SHC3: variants seen among roughly 807,000 people sequenced by gnomAD.
SHC3 encodes the protein SHC-transforming protein 3.
A neutral mutation model predicts 60.4 loss-of-function variants in SHC3; 15 were observed. The observed-to-expected ratio is 0.25, with a 90% CI of 0.17 to 0.38. The LOEUF is 0.38. Ranked by LOEUF, SHC3 falls within the 10% of genes least tolerant of loss-of-function variation. SHC3 has a pLI of 1.00. For synonymous variants in SHC3, 294 were observed against 325.9 expected (o/e 0.90, Z 1.05); for missense variants, 677 against 786.1 (o/e 0.86, Z 1.66).
At chr9:89,165,955 A>G (rs1178042046) in intron 1 of SHC3, among the ~76,000 whole-genome samples, 1 of 152,096 alleles carries the variant, frequency 6.6e-6, no homozygotes, top group Non-Finnish European at 1.5e-5. Context: ...GTTTCTCCAC[A>G]CAGAAGGTAG....
At position 89,065,594 on chromosome 9, in the gene SHC3, A is replaced by G; in HGVS notation, c.784-14T>C. The stretch of plus-strand genomic sequence containing the variant: ...GTCAGTTGTGTCCTGTTAAAGAAAA[A>G]AGAGATGTCTATGTCACTAATCACA... On this transcript the variant is annotated splice_polypyrimidine_tract_variant and intron_variant, in intron 5 of 11. Coordinates refer to ENST00000375835, the MANE Select transcript of SHC3 (RefSeq NM_016848.6). 1 of 1,613,936 alleles carries G rather than the reference A, an allele frequency of 6.2e-7. No homozygotes were observed. The highest frequency in any genetic ancestry group is 8.5e-7 in the Non-Finnish European group (1 of 1,179,934).
chr9:89,061,534 C>A (rs758887983), intron 6 of SHC3, among the ~76,000 whole-genome samples: 11 of 152,212 alleles, frequency 7.2e-5, no homozygotes, highest in Non-Finnish European at 1.3e-4. Flanking sequence ...GGGAAAAGAG[C>A]AGCAAGATGT....
intron 1 of SHC3, 135 bp downstream of exon 1, chr9:89,177,852 G>A (rs1054716880): frequency 1.8e-6 from 2 of 1,105,612 alleles, no homozygotes; most frequent in Middle Eastern, 3.8e-4. Flanking sequence ...TGATTGCTAA[G>A]GAGTGCGCAT....
chr9:89,037,556 G>A (rs368584803), intron 11 of SHC3: 1 of 715,588 alleles, frequency 1.4e-6, no homozygotes, highest in East Asian at 2.7e-5. Flanking sequence ...ACTTAGCAAT[G>A]GGGGTTTCAT....
At chr9:89,018,489 CA>C (rs1217282180) in intron 11 of SHC3, among the ~76,000 whole-genome samples, 17 of 151,964 alleles carry the variant, frequency 1.1e-4, no homozygotes, top group Middle Eastern at 6.8e-3. Flanking sequence ...CAGGGCCTGT[CA>C]GGGGGTGGGG....
rs1826983838 is a variant in SHC3 at position 89,178,551 on chromosome 9, C to T, written c.-91G>A. 2 of 1,253,662 alleles carry T rather than the reference C, an allele frequency of 1.6e-6. No individual in the cohort carries two copies. The highest frequency in any genetic ancestry group is 2.0e-4 in the Middle Eastern group (1 of 5,010). 77.7% of individuals were successfully genotyped at this position (1,253,662 alleles called of 1,614,324 possible). ...CGCATAGCAGGCGAGCCACTGTCCC[C>T]GGAGCGGGACGGAGAGTGGGGGCCC... On this transcript the variant is annotated 5_prime_UTR_variant, in exon 1 of 12. Transcript: ENST00000375835. This position sits in a 1 kb window ranked among gnomAD's most constrained non-coding sequence, Gnocchi z 6.9.
chr9:89,098,402 C>G (rs1485633571), intron 2 of SHC3, among the ~76,000 whole-genome samples: 1 of 152,204 alleles, frequency 6.6e-6, no homozygotes, highest in African/African-American at 2.4e-5. Flanking sequence ...AAATTCCTGA[C>G]TTGATCATTG....
intron 11 of SHC3, among the ~76,000 whole-genome samples, chr9:89,035,866 T>TA (rs1824570473): frequency 1.4e-5 from 2 of 139,550 alleles, no homozygotes; most frequent in Non-Finnish European, 3.2e-5. Flanking sequence ...TGTGTGTGTG[T>TA]GTGTGTGTGT....
intron 1 of SHC3, among the ~76,000 whole-genome samples, chr9:89,154,184 AT>A (rs1225682283): frequency 6.6e-6 from 1 of 150,512 alleles, no homozygotes; most frequent in East Asian, 1.9e-4. Flanking sequence ...ACATTATGAG[AT>A]TTTTTTGTGT....
At position 89,008,650 on chromosome 9, in the gene SHC3, G is replaced by A. The variant is rs1037744654; in HGVS notation, c.*4797C>T. The A allele has an allele frequency of 5.3e-5, 8 of 152,288 alleles. No individual in the cohort carries two copies. Among genetic ancestry groups the A allele is most frequent in the Non-Finnish European group, 8.8e-5 (6 of 68,118 alleles). 9.4% of individuals were successfully genotyped at this position (152,288 alleles called of 1,614,324 possible). ...GGGACATCCCCGGCTTAGGAAGTAT[G>A]CTCAGGTGTGTGCAGGGCCAGTCAG... On this transcript the variant is annotated 3_prime_UTR_variant, in exon 12 of 12. Coordinates refer to ENST00000375835, the MANE Select transcript of SHC3 (RefSeq NM_016848.6).
At chr9:89,051,766 A>T (rs1181585520) in intron 7 of SHC3, among the ~76,000 whole-genome samples, 1 of 152,258 alleles carries the variant, frequency 6.6e-6, no homozygotes, top group Non-Finnish European at 1.5e-5. Flanking sequence ...GAACAAAAAA[A>T]TTTATAATGA....
intron 6 of SHC3, among the ~76,000 whole-genome samples, chr9:89,063,469 G>T (rs1306132921): frequency 6.6e-6 from 1 of 152,180 alleles, no homozygotes; most frequent in Non-Finnish European, 1.5e-5. Flanking sequence ...GTGAAGCTTA[G>T]CCCGGCCTTT....
intron 6 of SHC3, among the ~76,000 whole-genome samples, chr9:89,053,171 GGAATTCTCAGGAATTC>G (rs1450268241): frequency 6.6e-6 from 1 of 152,186 alleles, no homozygotes; most frequent in East Asian, 1.9e-4. Context: ...ATGGGATAAA[GGAATTCTCAGGAATTC>G]CTGGGAAGGA....
At chr9:89,065,708 G>A (rs1587707108) in intron 5 of SHC3, 128 bp from the exon 6 acceptor site, 6 of 905,970 alleles carry the variant, frequency 6.6e-6, no homozygotes, top group African/African-American at 3.3e-5. Flanking sequence ...ATCAAATGCT[G>A]CCTAAGAAAC....
chr9:89,105,385 C>T (rs1364496886), intron 2 of SHC3, among the ~76,000 whole-genome samples: 1 of 152,186 alleles, frequency 6.6e-6, no homozygotes, highest in African/African-American at 2.4e-5. Context: ...CCAAAATACA[C>T]ACAATCTGCC....
chr9:89,139,108 T>C (rs1396044786), intron 1 of SHC3, among the ~76,000 whole-genome samples: 1 of 152,180 alleles, frequency 6.6e-6, no homozygotes, highest in Non-Finnish European at 1.5e-5. Context: ...GATATGGGAT[T>C]GTTAGCTGAT....
At chr9:89,103,159 G>A (rs559220190) in intron 2 of SHC3, among the ~76,000 whole-genome samples, 7 of 152,180 alleles carry the variant, frequency 4.6e-5, no homozygotes, top group Non-Finnish European at 8.8e-5. Context: ...GATAAGCAAC[G>A]ATGTTTAATA....
At chr9:89,134,582 T>C (rs112140988) in intron 1 of SHC3, among the ~76,000 whole-genome samples, 10,914 of 152,112 alleles carry the variant, frequency 0.072, 1,257 homozygotes, top group African/African-American at 0.25. Context: ...TTGTGTGCCA[T>C]AGATGTAACC....
intron 2 of SHC3, among the ~76,000 whole-genome samples, chr9:89,084,346 A>T (rs1174643096): frequency 6.6e-6 from 1 of 152,222 alleles, no homozygotes; most frequent in Non-Finnish European, 1.5e-5. Context: ...ACAGATGTCA[A>T]AAAAAGTATC....
Sources: gnomAD v4.1 joint callset for allele counts (sites outside exome capture counted in the v4.1 genomes callset) on GRCh38, gnomAD v4.1.1 for gene constraint, Gnocchi (gnomAD v3.1) non-coding constraint, MANE v1.5 for transcripts, NCBI Gene and HGNC (gene_info 2026-07-23, HGNC 2026-07-21) for gene names.